The following PDE1C variants were observed in gnomAD, a reference collection of about 807,000 sequenced individuals.
The protein encoded by PDE1C is phosphodiesterase 1C.
Under a neutral mutation model 93.1 loss-of-function variants are expected in PDE1C, and 62 were observed. That is an observed-to-expected ratio of 0.67 (90% CI 0.54 to 0.82). PDE1C has a LOEUF of 0.82. PDE1C is among the 40% of genes least tolerant of loss of function. The pLI is 0.00. For synonymous variants in PDE1C, 325 were observed against 310.1 expected, an observed-to-expected ratio of 1.05 and a Z score of -0.50; for missense variants, 742 against 884.6, an observed-to-expected ratio of 0.84 and a Z score of 2.04.
At chr7:32,105,976 T>C (rs768100173) in intron 3 of PDE1C, among the ~76,000 whole-genome samples, 1 of 152,204 alleles carries the variant, frequency 6.6e-6, no homozygotes, top group Non-Finnish European at 1.5e-5. Flanking sequence ...TCTATCCATG[T>C]ATACAGCTTA....
chr7:32,158,181 A>G (rs1357417154), intron 3 of PDE1C, among the ~76,000 whole-genome samples: 2 of 152,182 alleles, frequency 1.3e-5, no homozygotes, highest in Admixed American at 1.3e-4. Flanking sequence ...TCCCTAGACC[A>G]TGTTTACTCT....
rs191129611 is a variant in PDE1C, at chr7:31,874,198, C to A, written c.493-790G>T. The stretch of plus-strand genomic sequence containing the variant: ...CTAAACTGAACACACACCTTATATA[C>A]CATCCCTGAAGTTCAAAGTCTTTGC... On this transcript the variant is annotated intron_variant, in intron 5 of 17. Coordinates refer to ENST00000396191, the MANE Select transcript of PDE1C (RefSeq NM_001191057.4). Among the ~76,000 whole-genome samples, 3 of 152,300 alleles carry A rather than the reference C, an allele frequency of 2.0e-5. No homozygotes were observed. The East Asian group carries it at 5.8e-4, about 29-fold the overall frequency.
the PDE1C span, among the ~76,000 whole-genome samples, chr7:31,738,873 T>G: frequency 6.6e-6 from 1 of 152,064 alleles, no homozygotes; most frequent in Non-Finnish European, 1.5e-5. Context: ...CAGGATGTGG[T>G]GAGTATGTGA....
intron 1 of PDE1C, among the ~76,000 whole-genome samples, chr7:32,427,738 C>T (rs1356856588): frequency 6.6e-6 from 1 of 152,196 alleles, no homozygotes; most frequent in South Asian, 2.1e-4. Flanking sequence ...GGAAATCCTG[C>T]GGGAGATAGC....
At chr7:31,756,331 T>C (rs1005602335) in intron 17 of PDE1C, among the ~76,000 whole-genome samples, 1 of 152,126 alleles carries the variant, frequency 6.6e-6, no homozygotes, top group African/African-American at 2.4e-5. Context: ...CTCCCAAAAA[T>C]ATATAACCCC....
chr7:31,674,992 T>C, the PDE1C span, among the ~76,000 whole-genome samples: 2 of 152,236 alleles, frequency 1.3e-5, no homozygotes, highest in Non-Finnish European at 1.5e-5. Context: ...ACATGGGATT[T>C]AGAAGGTGGC....
chr7:32,051,749 A>G (rs1488133358), intron 1 of PDE1C, among the ~76,000 whole-genome samples, 169 bp from the exon 2 acceptor site: 2 of 152,186 alleles, frequency 1.3e-5, no homozygotes, highest in African/African-American at 2.4e-5. Flanking sequence ...ATGCTGTGTT[A>G]TATTGTAGTC....
intron 1 of PDE1C, among the ~76,000 whole-genome samples, chr7:32,389,465 C>A (rs1784712044): frequency 6.6e-6 from 1 of 152,168 alleles, no homozygotes; most frequent in African/African-American, 2.4e-5. Context: ...GATCTGCCTG[C>A]CTTGGCCTCC....
At chr7:32,142,407 T>C (rs973295975) in intron 3 of PDE1C, among the ~76,000 whole-genome samples, 1 of 152,108 alleles carries the variant, frequency 6.6e-6, no homozygotes, top group Non-Finnish European at 1.5e-5. Flanking sequence ...TTTGGGGTAC[T>C]TTGCTCAGAA....
chr7:32,360,318 C>T (rs972954925), intron 1 of PDE1C, among the ~76,000 whole-genome samples: 10 of 152,262 alleles, frequency 6.6e-5, no homozygotes, highest in African/African-American at 2.2e-4. Flanking sequence ...CCCTCCACTC[C>T]TATCTGTTGT....
At chr7:32,267,236 G>C (rs970535463) in intron 1 of PDE1C, among the ~76,000 whole-genome samples, 10 of 152,128 alleles carry the variant, frequency 6.6e-5, no homozygotes, top group African/African-American at 2.4e-4. Context: ...CCCCTGGCAG[G>C]CTGAGGTTAG....
chr7:31,967,406 C>G (rs1255017700), intron 2 of PDE1C, among the ~76,000 whole-genome samples: 3 of 151,948 alleles, frequency 2.0e-5, no homozygotes, highest in South Asian at 4.1e-4. Flanking sequence ...CAAGACTAAA[C>G]CAGGAAGAAG....
chr7:32,082,092 G>C (rs1341893661), intron 3 of PDE1C, among the ~76,000 whole-genome samples: 1 of 152,254 alleles, frequency 6.6e-6, no homozygotes, highest in African/African-American at 2.4e-5. Flanking sequence ...AGGGGTCAGG[G>C]AGTTCCCTTT....
intron 1 of PDE1C, among the ~76,000 whole-genome samples, chr7:32,340,077 G>A (rs904998770): frequency 6.6e-6 from 1 of 152,114 alleles, no homozygotes; most frequent in Non-Finnish European, 1.5e-5. Flanking sequence ...TGAGAAGAGG[G>A]TCCTGGCAGT....
chr7:32,062,049 C>T (rs1361631979), intron 1 of PDE1C, among the ~76,000 whole-genome samples: 1 of 152,064 alleles, frequency 6.6e-6, no homozygotes. Flanking sequence ...CTTGCCTTCC[C>T]CATATCTCCC....
At chr7:31,742,623 C>T in the PDE1C span, among the ~76,000 whole-genome samples, 2 of 152,160 alleles carry the variant, frequency 1.3e-5, no homozygotes, top group Non-Finnish European at 2.9e-5. Flanking sequence ...AAGATCTTTG[C>T]GTTCCACATT....
intron 1 of PDE1C, among the ~76,000 whole-genome samples, chr7:32,242,551 A>T (rs1444424607): frequency 6.6e-6 from 1 of 152,232 alleles, no homozygotes; most frequent in Non-Finnish European, 1.5e-5. Context: ...ATCACCAAAA[A>T]CTATGACAAA....
Position 32,185,921 on chromosome 7 carries a change from G to C in PDE1C, c.137-15965C>G, listed in dbSNP as rs139731105. 1.7e-4 allele frequency among the ~76,000 whole-genome samples: 26 copies of C among 152,290 alleles called. No homozygotes were observed. In the East Asian group the frequency reaches 4.6e-3, roughly 27 times the overall value. The stretch of plus-strand genomic sequence containing the variant: ...CAGCAAGTTTCACTGGACCGTGCTA[G>C]TCTAGAGATTTGTTAATTTCATTGC... On this transcript the variant is annotated intron_variant, in intron 2 of 18. Transcript: ENST00000396193.
intron 1 of PDE1C, among the ~76,000 whole-genome samples, chr7:32,241,023 C>T (rs909780311): frequency 5.9e-5 from 9 of 152,072 alleles, no homozygotes; most frequent in Non-Finnish European, 7.4e-5. Flanking sequence ...ACTGCAAGAA[C>T]GGAGATGCCA....
Sources: gnomAD v4.1 joint callset for allele counts (sites outside exome capture counted in the v4.1 genomes callset) on GRCh38, gnomAD v4.1.1 for gene constraint, MANE v1.5 for transcripts, NCBI Gene and HGNC (gene_info 2026-07-23, HGNC 2026-07-21) for gene names.